Variants in ADGRB3 observed in about 807,000 individuals in gnomAD.
The protein encoded by ADGRB3 is brain-specific angiogenesis inhibitor 3.
A neutral mutation model predicts 193.4 loss-of-function variants in ADGRB3; 37 were observed. The ratio of observed to expected loss-of-function variants is 0.19; its 90% CI spans 0.15 to 0.25. The LOEUF is 0.25. Ranked by LOEUF, ADGRB3 falls within the 10% of genes least tolerant of loss-of-function variation. ADGRB3 has a pLI of 1.00. For missense variants in ADGRB3, 1,637 were observed against 1,852.9 expected (o/e 0.88, Z 2.14); for synonymous variants, 690 against 644.2 (o/e 1.07, Z -1.08).
chr6:68,936,727 A>G, intron 5 of ADGRB3, 47 bp downstream of exon 5: 1 of 1,571,334 alleles, frequency 6.4e-7, no homozygotes, highest in Non-Finnish European at 8.7e-7. Context: ...GAATTGTGTC[A>G]TGCTACGCAT....
intron 3 of ADGRB3, among the ~76,000 whole-genome samples, chr6:68,744,095 G>A (rs548482906): frequency 1.3e-5 from 2 of 152,190 alleles, no homozygotes; most frequent in East Asian, 3.9e-4. Context: ...GACAAGTAGT[G>A]TTGGAAAGAG....
chr6:68,753,773 C>G (rs999465067), intron 3 of ADGRB3, among the ~76,000 whole-genome samples: 5 of 152,192 alleles, frequency 3.3e-5, no homozygotes, highest in South Asian at 2.1e-4. Flanking sequence ...AATAAAGCAG[C>G]CTGGTGCTGG....
chr6:68,841,391 A>AT (rs1259827959), intron 3 of ADGRB3, among the ~76,000 whole-genome samples: 1 of 152,170 alleles, frequency 6.6e-6, no homozygotes, highest in Non-Finnish European at 1.5e-5. Context: ...ATTTGAAATA[A>AT]TATCAGGTAC....
chr6:68,882,158 G>C (rs188144506), intron 3 of ADGRB3, among the ~76,000 whole-genome samples: 2 of 152,188 alleles, frequency 1.3e-5, no homozygotes, highest in African/African-American at 4.8e-5. Flanking sequence ...CTAAACCTGG[G>C]ACATAATATG....
chr6:68,833,642 T>A (rs1418952419), intron 3 of ADGRB3, among the ~76,000 whole-genome samples: 5 of 151,526 alleles, frequency 3.3e-5, no homozygotes, highest in Admixed American at 1.3e-4. Context: ...AGTAAACCAA[T>A]TAGCTACATA....
intron 13 of ADGRB3, among the ~76,000 whole-genome samples, chr6:69,028,953 A>G (rs895723279): frequency 2.6e-5 from 4 of 152,210 alleles, no homozygotes; most frequent in African/African-American, 9.6e-5. Context: ...TCATGATACT[A>G]TTTACTCCTC....
rs142699125 is a variant in ADGRB3, at chr6:69,059,067, C to A, written c.2334-3867C>A. On this transcript the variant is annotated intron_variant, in intron 15 of 31. Coordinates refer to ENST00000370598, the MANE Select transcript of ADGRB3 (RefSeq NM_001704.3). The stretch of plus-strand genomic sequence containing the variant: ...TATTAAAAATGGGATATTAAAATAT[C>A]CCATTATATTGTTACTATTTATTTC... 3.1e-3 allele frequency among the ~76,000 whole-genome samples: 477 copies of A among 152,016 alleles called. 1 individual carries two copies. Among genetic ancestry groups the A allele is most frequent in the African/African-American group, 0.011 (444 of 41,492 alleles).
At chr6:69,349,986 A>G (rs952888236) in intron 26 of ADGRB3, among the ~76,000 whole-genome samples, 11 of 152,280 alleles carry the variant, frequency 7.2e-5, no homozygotes, top group African/African-American at 2.4e-4. Context: ...CAGCTTCCAC[A>G]ATGACGCGCT....
chr6:68,893,164 T>C (rs1766126851), intron 3 of ADGRB3, among the ~76,000 whole-genome samples: 1 of 152,080 alleles, frequency 6.6e-6, no homozygotes, highest in Non-Finnish European at 1.5e-5. Context: ...TGGCAGTTTA[T>C]TAGAGAAAGA....
intron 3 of ADGRB3, among the ~76,000 whole-genome samples, chr6:68,916,361 T>C (rs1766879559): frequency 1.3e-5 from 2 of 152,148 alleles, no homozygotes; most frequent in African/African-American, 4.8e-5. Flanking sequence ...TATGAGATTG[T>C]TCAATGAAAA....
At chr6:69,215,901 T>G (rs751747195) in intron 17 of ADGRB3, among the ~76,000 whole-genome samples, 2 of 152,188 alleles carry the variant, frequency 1.3e-5, no homozygotes, top group African/African-American at 4.8e-5. Context: ...TGCTAACTCC[T>G]TTAATTCTTT....
At chr6:68,918,795 CT>C (rs932730277) in intron 3 of ADGRB3, among the ~76,000 whole-genome samples, 1 of 151,912 alleles carries the variant, frequency 6.6e-6, no homozygotes, top group African/African-American at 2.4e-5. Context: ...TGAAACCAAG[CT>C]TTTTTTTCTT....
chr6:68,917,996 C>T (rs1253974085), intron 3 of ADGRB3, among the ~76,000 whole-genome samples: 4 of 152,100 alleles, frequency 2.6e-5, no homozygotes, highest in Non-Finnish European at 4.4e-5. Flanking sequence ...AGGATATACT[C>T]TTATACAATT....
chr6:69,374,837 C>T (rs1769780126), intron 30 of ADGRB3, among the ~76,000 whole-genome samples: 1 of 151,966 alleles, frequency 6.6e-6, no homozygotes, highest in Admixed American at 6.6e-5. Flanking sequence ...GTTTGTTTAA[C>T]AAAATGTTAT....
chr6:68,770,325 C>T (rs982369581), intron 3 of ADGRB3, among the ~76,000 whole-genome samples: 6 of 152,252 alleles, frequency 3.9e-5, no homozygotes, highest in African/African-American at 1.4e-4. Flanking sequence ...TGCAGACCCT[C>T]TTCTCGTCAC....
chr6:68,837,464 T>C (rs1768067349), intron 3 of ADGRB3, among the ~76,000 whole-genome samples: 1 of 152,330 alleles, frequency 6.6e-6, no homozygotes, highest in South Asian at 2.1e-4. Context: ...TTATAGATAA[T>C]ATGGAAAAAT....
intron 17 of ADGRB3, among the ~76,000 whole-genome samples, chr6:69,212,740 A>C (rs553754275): frequency 2.0e-5 from 3 of 152,296 alleles, no homozygotes; most frequent in African/African-American, 7.2e-5. Context: ...AATGCGTTAG[A>C]AAAGAGGAAT....
Position 69,388,768 on chromosome 6 carries a change from C to T in ADGRB3, c.4446C>T (p.Tyr1482=). The change falls in exon 32 of 32, where the codon TAC becomes TAT. Residue 1482 remains tyrosine (Y), a synonymous_variant. Transcript: ENST00000370598. ...AAAACCCCAGTGAATACCCGCATTA[C>T]ACCACAATCAATGTCTTAGACACAG... ...TFKNPSEYPH[Y]TTINVLDTEA... The T allele has an allele frequency of 6.2e-7, 1 of 1,613,536 alleles. No individual in the cohort carries two copies. The highest frequency in any genetic ancestry group is 1.3e-5 in the African/African-American group (1 of 75,000).
chr6:68,885,555 A>C (rs1765884083), intron 3 of ADGRB3, among the ~76,000 whole-genome samples: 1 of 152,192 alleles, frequency 6.6e-6, no homozygotes, highest in Non-Finnish European at 1.5e-5. Flanking sequence ...TGCTCAGTAA[A>C]ATGGCGAGGC....
Sources: allele counts gnomAD v4.1 joint callset (sites outside exome capture counted in the v4.1 genomes callset), GRCh38; gene constraint gnomAD v4.1.1; transcripts MANE v1.5; gene names NCBI Gene and HGNC (gene_info 2026-07-23, HGNC 2026-07-21).